CPNE4: variants seen among roughly 807,000 people sequenced by gnomAD.
The protein encoded by CPNE4 is copine 4.
CPNE4 carries 25 observed loss-of-function variants against 67.9 expected under a neutral mutation model. The ratio of observed to expected loss-of-function variants is 0.37; its 90% CI spans 0.27 to 0.51. CPNE4 has a LOEUF of 0.51. Among genes scored for constraint, CPNE4 ranks in the 20% least tolerant of loss-of-function variants. The probability of loss-of-function intolerance (pLI) is 0.93; values close to 1 mark genes in which losing one functional copy is unlikely to be tolerated. For synonymous variants in CPNE4, 242 were observed against 244.9 expected (o/e 0.99, Z 0.11); for missense variants, 464 against 690.8 (o/e 0.67, Z 3.68).
rs2088774392 is a variant in CPNE4 at position 131,906,571 on chromosome 3, AG to A, written c.-1-1128del. 2.0e-5 allele frequency among the ~76,000 whole-genome samples: 3 copies of A among 152,032 alleles called. No homozygotes were observed. The South Asian group carries it at 6.3e-4, about 32-fold the overall frequency. On this transcript the variant is annotated intron_variant, in intron 1 of 15. Transcript: ENST00000429747. ...TCCAGCTTCATCCATGTCCCTACAAAGGACATGAACTCATCATTTTTTATGG... is the reference window on the plus strand; with the variant it reads ...TCCAGCTTCATCCATGTCCCTACAAAGACATGAACTCATCATTTTTTATGG...
rs116530515 is a variant in CPNE4, at chr3:131,598,587, G to T, written c.682-11005C>A. ...CCCGAAATACAATAAAGCAACTGAA[G>T]GTGATTTATTCCAAAACACAGAGCT... is the stretch of plus-strand genomic sequence containing the variant. On this transcript the variant is annotated intron_variant, in intron 7 of 15. Coordinates refer to ENST00000429747, the MANE Select transcript of CPNE4 (RefSeq NM_130808.3). Among the ~76,000 whole-genome samples, 986 of 152,200 alleles carry T rather than the reference G, an allele frequency of 6.5e-3. 12 individuals carry two copies. The highest frequency in any genetic ancestry group is 0.023 in the African/African-American group (943 of 41,530).
intron 1 of CPNE4, among the ~76,000 whole-genome samples, chr3:131,947,504 G>A (rs1314420856): frequency 1.3e-5 from 2 of 152,050 alleles, no homozygotes; most frequent in East Asian, 3.9e-4. Flanking sequence ...TTCTGTTTCT[G>A]TGTTAGTTTG....
rs1172093704 is a variant in CPNE4 at position 131,578,972 on chromosome 3, T to C, written c.867+2607A>G. On this transcript the variant is annotated intron_variant, in intron 9 of 15. Transcript: ENST00000429747. ...ATCCAGAAGATCCAGCTAAAATCAT[T>C]TGAGGAAGGTTACTACACTAAACAA... 3.9e-5 allele frequency among the ~76,000 whole-genome samples: 6 copies of C among 152,116 alleles called. No individual in the cohort carries two copies. In the South Asian group the frequency reaches 1.0e-3, roughly 26 times the overall value.
chr3:132,021,578 C>T (rs771986597), intron 1 of CPNE4, among the ~76,000 whole-genome samples: 4 of 152,124 alleles, frequency 2.6e-5, no homozygotes, highest in Admixed American at 6.5e-5. Flanking sequence ...CTATGGACAA[C>T]GACAGGTATG....
intron 2 of CPNE4, among the ~76,000 whole-genome samples, chr3:131,883,817 A>G (rs2087774403): frequency 6.6e-6 from 1 of 152,232 alleles, no homozygotes; most frequent in African/African-American, 2.4e-5. Flanking sequence ...GAAGATCTCT[A>G]CAACTTTTTC....
intron 2 of CPNE4, among the ~76,000 whole-genome samples, chr3:131,828,279 C>A (rs1158085266): frequency 6.6e-6 from 1 of 152,094 alleles, no homozygotes; most frequent in Non-Finnish European, 1.5e-5. Flanking sequence ...CTAATCAATA[C>A]TATAATCAAG....
intron 2 of CPNE4, among the ~76,000 whole-genome samples, chr3:131,886,479 C>T (rs2087899051): frequency 6.6e-6 from 1 of 152,250 alleles, no homozygotes; most frequent in African/African-American, 2.4e-5. Flanking sequence ...AGCCCCCACA[C>T]AGAGTCCCTA....
intron 1 of CPNE4, among the ~76,000 whole-genome samples, chr3:131,959,471 C>G (rs2072101714): frequency 6.6e-6 from 1 of 151,998 alleles, no homozygotes; most frequent in South Asian, 2.1e-4. Flanking sequence ...TATCACTCAC[C>G]CAGGCCAATA....
chr3:131,910,151 C>A (rs2107787228), intron 1 of CPNE4, among the ~76,000 whole-genome samples: 1 of 152,224 alleles, frequency 6.6e-6, no homozygotes, highest in South Asian at 2.1e-4. Flanking sequence ...GCTCAGGGCC[C>A]TAAAAGGCTT....
At chr3:131,716,439 C>A (rs896242134) in intron 3 of CPNE4, among the ~76,000 whole-genome samples, 1 of 152,096 alleles carries the variant, frequency 6.6e-6, no homozygotes, top group African/African-American at 2.4e-5. Context: ...AATAAATACA[C>A]GTGTACGTGT....
At chr3:131,677,864 G>A (rs928541492) in intron 6 of CPNE4, among the ~76,000 whole-genome samples, 8 of 152,092 alleles carry the variant, frequency 5.3e-5, no homozygotes, top group East Asian at 3.8e-4. Flanking sequence ...ATCAGGTAGC[G>A]TGATGCCTCC....
In CPNE4 at chr3:131,988,727, T is replaced by C. The variant is rs184486008; in HGVS notation, c.-2+45840A>G. On this transcript the variant is annotated intron_variant, in intron 1 of 15. Transcript: ENST00000429747. ...GCTTACCAGAATAATCTCAATTTTA[T>C]GTAAATTTATTTTTTAGTTAACATA... 1.5e-3 allele frequency among the ~76,000 whole-genome samples: 233 copies of C among 152,362 alleles called. 1 individual carries two copies. The highest frequency in any genetic ancestry group is 5.1e-3 in the African/African-American group (212 of 41,596).
At chr3:131,616,906 T>C (rs762013815) in intron 7 of CPNE4, among the ~76,000 whole-genome samples, 5 of 152,180 alleles carry the variant, frequency 3.3e-5, no homozygotes, top group Non-Finnish European at 5.9e-5. Flanking sequence ...TGGCAATCCC[T>C]GTAAGGCTTT....
chr3:131,642,010 G>A (rs766935894), intron 7 of CPNE4, among the ~76,000 whole-genome samples: 3 of 152,078 alleles, frequency 2.0e-5, no homozygotes, highest in Non-Finnish European at 2.9e-5. Context: ...TTGGGGGAAA[G>A]GGTGAGGGGT....
chr3:131,924,675 G>A (rs1322547607), intron 1 of CPNE4, among the ~76,000 whole-genome samples: 1 of 152,166 alleles, frequency 6.6e-6, no homozygotes, highest in Non-Finnish European at 1.5e-5. Flanking sequence ...ATAGAGGTGT[G>A]TCTAGACCAG....
intron 1 of CPNE4, among the ~76,000 whole-genome samples, chr3:132,033,375 CTGTGAGAGTG>C (rs1560820424): frequency 6.8e-6 from 1 of 146,948 alleles, no homozygotes; most frequent in African/African-American, 2.5e-5. Flanking sequence ...CACTGAAATC[CTGTGAGAGTG>C]TGTGAGTGTG....
chr3:132,005,334 TATATATATACACACACAC>T (rs1263596484), intron 1 of CPNE4, among the ~76,000 whole-genome samples: 1 of 46,484 alleles, frequency 2.2e-5, no homozygotes, highest in Admixed American at 1.8e-4. Flanking sequence ...TATATATATA[TATATATATACACACACAC>T]ACACACACAC....
At chr3:131,666,016 G>T (rs1466058546) in intron 7 of CPNE4, among the ~76,000 whole-genome samples, 1 of 151,928 alleles carries the variant, frequency 6.6e-6, no homozygotes, top group Non-Finnish European at 1.5e-5. Flanking sequence ...TAGATAAGTT[G>T]TTTATAAAGC....
chr3:131,893,069 C>T (rs920355616), intron 2 of CPNE4, among the ~76,000 whole-genome samples: 4 of 151,844 alleles, frequency 2.6e-5, no homozygotes, highest in African/African-American at 9.6e-5. Context: ...CAAGACCCAG[C>T]TACATGCTGC....
Sources: allele counts gnomAD v4.1 joint callset (sites outside exome capture counted in the v4.1 genomes callset), GRCh38; gene constraint gnomAD v4.1.1; transcripts MANE v1.5; gene names NCBI Gene and HGNC (gene_info 2026-07-23, HGNC 2026-07-21).